The following GMEB2 variants were observed in gnomAD, a reference collection of about 807,000 sequenced individuals.
The protein encoded by GMEB2 is glucocorticoid modulatory element binding protein 2, also known as glucocorticoid modulatory element-binding protein 2.
A neutral mutation model predicts 45.7 loss-of-function variants in GMEB2; 7 were observed. The observed-to-expected ratio is 0.15, with a 90% CI of 0.09 to 0.29. The LOEUF (loss-of-function observed/expected upper bound fraction) is 0.29. Ranked by LOEUF, GMEB2 falls within the 10% of genes least tolerant of loss-of-function variation. The probability of loss-of-function intolerance (pLI) is 1.00; values close to 1 mark genes in which losing one functional copy is unlikely to be tolerated. For missense variants in GMEB2, 582 were observed against 739.2 expected, an observed-to-expected ratio of 0.79 and a Z score of 2.47; for synonymous variants, 322 against 323.6, an observed-to-expected ratio of 1.00 and a Z score of 0.05.
chr20:63,594,332 G>A (rs1281486724), intron 6 of GMEB2, among the ~76,000 whole-genome samples: 1 of 152,232 alleles, frequency 6.6e-6, no homozygotes, highest in Admixed American at 6.5e-5. Flanking sequence ...CCTGGCAGGC[G>A]GTCAGGCAGG....
chr20:63,625,634 G>C (rs985284644), intron 1 of GMEB2, among the ~76,000 whole-genome samples: 4 of 151,110 alleles, frequency 2.6e-5, no homozygotes, highest in African/African-American at 7.3e-5. Flanking sequence ...ATCTTGCTCC[G>C]TCACCCAGGC....
intron 2 of GMEB2, among the ~76,000 whole-genome samples, chr20:63,613,372 G>T (rs573182402): frequency 3.3e-5 from 5 of 152,214 alleles, no homozygotes; most frequent in African/African-American, 1.2e-4. Context: ...CAGCCTCCAG[G>T]GCACTGCGCC....
chr20:63,595,224 TC>T (rs1360664248), intron 6 of GMEB2, among the ~76,000 whole-genome samples: 1 of 121,898 alleles, frequency 8.2e-6, no homozygotes, highest in Non-Finnish European at 1.6e-5. Context: ...GGCGCGCAGT[TC>T]CGTAAACCGC....
At chr20:63,615,135 T>C (rs1024120459) in intron 2 of GMEB2, among the ~76,000 whole-genome samples, 5 of 152,086 alleles carry the variant, frequency 3.3e-5, no homozygotes, top group African/African-American at 1.2e-4. Flanking sequence ...TCAGCTGCTG[T>C]AGTGAATTGC....
intron 1 of GMEB2, among the ~76,000 whole-genome samples, chr20:63,624,993 ACT>A (rs1188970661): frequency 6.6e-6 from 1 of 152,194 alleles, no homozygotes; most frequent in Non-Finnish European, 1.5e-5. Flanking sequence ...GGCGTGAGCC[ACT>A]GAGCCTGGCC....
chr20:63,615,648 T>C (rs1451046189), intron 2 of GMEB2, among the ~76,000 whole-genome samples: 1 of 152,108 alleles, frequency 6.6e-6, no homozygotes, highest in East Asian at 1.9e-4. Context: ...AATTTAAATT[T>C]GAATTGAATA....
intron 4 of GMEB2, among the ~76,000 whole-genome samples, chr20:63,599,933 G>C (rs542126287): frequency 6.6e-6 from 1 of 152,178 alleles, no homozygotes; most frequent in Non-Finnish European, 1.5e-5. Flanking sequence ...CTTCTCTTAC[G>C]CAGCCACAGA....
intron 2 of GMEB2, among the ~76,000 whole-genome samples, chr20:63,607,021 C>T (rs559469183): frequency 6.6e-6 from 1 of 152,244 alleles, no homozygotes; most frequent in Admixed American, 6.5e-5. Context: ...AGCCTAGAAA[C>T]ATGCCCCTCT....
At chr20:63,611,598 G>C (rs2089571322) in intron 2 of GMEB2, among the ~76,000 whole-genome samples, 1 of 151,826 alleles carries the variant, frequency 6.6e-6, no homozygotes, top group Non-Finnish European at 1.5e-5. Context: ...CTGTGTGACG[G>C]AGTGAGACTT....
At chr20:63,597,952 G>A (rs918251215) in intron 4 of GMEB2, 92 bp from the exon 5 acceptor site, 16 of 776,438 alleles carry the variant, frequency 2.1e-5, no homozygotes, top group Non-Finnish European at 3.3e-5. Flanking sequence ...AGGCGCGCAA[G>A]GCAGGAAAAG....
chr20:63,610,443 C>T (rs2089560616), intron 2 of GMEB2, among the ~76,000 whole-genome samples: 1 of 152,092 alleles, frequency 6.6e-6, no homozygotes, highest in Non-Finnish European at 1.5e-5. Flanking sequence ...ATGGCGTGAA[C>T]CCGGGAGGTG....
chr20:63,626,511 C>T (rs2089674202), intron 1 of GMEB2, among the ~76,000 whole-genome samples: 1 of 144,136 alleles, frequency 6.9e-6, no homozygotes, highest in Non-Finnish European at 1.5e-5. Flanking sequence ...TGGGGTGGTC[C>T]CTGTGGGTCG....
intron 6 of GMEB2, 29 bp downstream of exon 6, chr20:63,595,581 G>T: frequency 2.6e-6 from 4 of 1,566,240 alleles, no homozygotes; most frequent in East Asian, 2.4e-5. Flanking sequence ...GGTGGGGCTG[G>T]GTCAGGACGA....
At position 63,618,087 on chromosome 20, in the gene GMEB2, C is replaced by T. The variant is rs978233783; in HGVS notation, c.131+1180G>A. Among the ~76,000 whole-genome samples the T allele has an allele frequency of 8.5e-5, 13 of 152,368 alleles. No homozygotes were observed. The East Asian group carries it at 2.5e-3, about 29-fold the overall frequency. On this transcript the variant is annotated intron_variant, in intron 2 of 9. Coordinates refer to ENST00000370077, the MANE Select transcript of GMEB2 (RefSeq NM_012384.5). ...TCCCAAGGGAGGGACTTGGGCACTGCCTCTCTGGGCAAGAGTGGGGAGGTG... is the reference window on the plus strand; with the variant it reads ...TCCCAAGGGAGGGACTTGGGCACTGTCTCTCTGGGCAAGAGTGGGGAGGTG...
chr20:63,626,165 T>A (rs1393052277), intron 1 of GMEB2, among the ~76,000 whole-genome samples: 1 of 145,922 alleles, frequency 6.9e-6, no homozygotes, highest in Admixed American at 6.8e-5. Context: ...GAGCCTACAG[T>A]GACGCGGGCC....
intron 2 of GMEB2, among the ~76,000 whole-genome samples, chr20:63,607,597 C>T (rs867950944): frequency 3.5e-3 from 73 of 21,030 alleles, no homozygotes; most frequent in Non-Finnish European, 7.7e-3. Context: ...TAGAAACATG[C>T]CCCTCTGACC....
intron 1 of GMEB2, among the ~76,000 whole-genome samples, chr20:63,625,123 G>A (rs1386533183): frequency 1.3e-5 from 2 of 152,162 alleles, no homozygotes; most frequent in South Asian, 2.1e-4. Context: ...ATAGAATAGA[G>A]CACCTCGCCC....
chr20:63,622,166 T>A (rs185462531), intron 1 of GMEB2, among the ~76,000 whole-genome samples: 1 of 151,976 alleles, frequency 6.6e-6, no homozygotes, highest in Non-Finnish European at 1.5e-5. Context: ...AGAAAGAAAA[T>A]AAAATCTTCC....
chr20:63,600,324 C>G (rs539523242), intron 4 of GMEB2, among the ~76,000 whole-genome samples: 1 of 150,482 alleles, frequency 6.6e-6, no homozygotes, highest in Non-Finnish European at 1.5e-5. Flanking sequence ...GGATTACAGG[C>G]GTGAGTCACC....
Sources: allele counts gnomAD v4.1 joint callset (sites outside exome capture counted in the v4.1 genomes callset), GRCh38; gene constraint gnomAD v4.1.1; transcripts MANE v1.5; gene names NCBI Gene and HGNC (gene_info 2026-07-23, HGNC 2026-07-21).